Variants in ARHGAP42 observed in about 807,000 individuals in gnomAD.
ARHGAP42 encodes Rho GTPase activating protein 42, also known as rho GTPase-activating protein 42.
ARHGAP42 carries 63 observed loss-of-function variants against 125.0 expected under a neutral mutation model. The observed-to-expected ratio is 0.50, with a 90% CI of 0.41 to 0.62. The LOEUF is 0.62. ARHGAP42 is among the 20% of genes least tolerant of loss of function. ARHGAP42 has a pLI of 0.00. For synonymous variants in ARHGAP42, 339 were observed against 351.0 expected (o/e 0.97, Z 0.38); for missense variants, 766 against 1,024.2 (o/e 0.75, Z 3.44).
chr11:100,921,186 T>C (rs1436533780), intron 5 of ARHGAP42, among the ~76,000 whole-genome samples: 1 of 141,672 alleles, frequency 7.1e-6, no homozygotes, highest in Non-Finnish European at 1.5e-5. Context: ...CATTTACATT[T>C]ATATACCCCT....
chr11:100,795,808 T>C (rs1863696472), intron 3 of ARHGAP42, among the ~76,000 whole-genome samples: 1 of 152,174 alleles, frequency 6.6e-6, no homozygotes, highest in Admixed American at 6.5e-5. Context: ...GTAGTATATA[T>C]CCCACAGGAT....
In ARHGAP42 at chr11:100,779,499, T is replaced by C. The variant is rs1225061536; in HGVS notation, c.250+9061T>C. Among the ~76,000 whole-genome samples the C allele has an allele frequency of 5.4e-4, 60 of 110,410 alleles. 1 individual carries two copies. The highest frequency in any genetic ancestry group is 2.2e-3 in the East Asian group (8 of 3,672). The allele number at this position is 110,410 out of a possible 152,430, so 72.4% of individuals were successfully genotyped here. ...ATATATATATATACACACACACACA[T>C]ATATACACGTATATATATACGTATA... is the stretch of plus-strand genomic sequence containing the variant. On this transcript the variant is annotated intron_variant, in intron 2 of 23. Transcript: ENST00000298815.
At chr11:100,778,011 T>C (rs1863171542) in intron 2 of ARHGAP42, among the ~76,000 whole-genome samples, 1 of 152,022 alleles carries the variant, frequency 6.6e-6, no homozygotes, top group South Asian at 2.1e-4. Flanking sequence ...CCCAGTTCTA[T>C]AAAAAGTAAA....
At chr11:100,800,777 A>G (rs1306589709) in intron 3 of ARHGAP42, among the ~76,000 whole-genome samples, 1 of 152,202 alleles carries the variant, frequency 6.6e-6, no homozygotes, top group Non-Finnish European at 1.5e-5. Context: ...GTGCAATGTA[A>G]TGAAAAAAAC....
chr11:100,706,963 AT>A (rs1385043140), intron 1 of ARHGAP42, among the ~76,000 whole-genome samples: 1 of 152,176 alleles, frequency 6.6e-6, no homozygotes, highest in Non-Finnish European at 1.5e-5. Flanking sequence ...TTTCTACATA[AT>A]TGCCTGTTCT....
At chr11:100,850,881 T>C (rs1361824634) in intron 3 of ARHGAP42, among the ~76,000 whole-genome samples, 2 of 90,638 alleles carry the variant, frequency 2.2e-5, no homozygotes, top group African/African-American at 6.2e-5. Flanking sequence ...TTCTTTTTTT[T>C]TTTTTTTTTT....
At chr11:100,816,251 G>C (rs1327644144) in intron 3 of ARHGAP42, among the ~76,000 whole-genome samples, 1 of 152,010 alleles carries the variant, frequency 6.6e-6, no homozygotes, top group Non-Finnish European at 1.5e-5. Flanking sequence ...TGGCTGCACT[G>C]TTTTACAATC....
intron 5 of ARHGAP42, among the ~76,000 whole-genome samples, chr11:100,915,228 T>C (rs1295761799): frequency 6.6e-6 from 1 of 152,212 alleles, no homozygotes; most frequent in Admixed American, 6.5e-5. Context: ...TGTAATTTAA[T>C]ACTATGTTTA....
rs145812957 is a variant in ARHGAP42, at chr11:100,786,550, A to G, written c.251-8555A>G. ...TATATAAGCCTAGTATACATATATG[A>G]GTATATATACCTGAACTCTCAAACT... On this transcript the variant is annotated intron_variant, in intron 2 of 23. Coordinates refer to ENST00000298815, the MANE Select transcript of ARHGAP42 (RefSeq NM_152432.4). 3.9e-3 allele frequency among the ~76,000 whole-genome samples: 599 copies of G among 152,210 alleles called. 2 individuals carry two copies. Among genetic ancestry groups the G allele is most frequent in the Non-Finnish European group, 6.7e-3 (459 of 68,030 alleles).
chr11:100,948,432 A>G (rs887244053), intron 10 of ARHGAP42, 25 bp from the exon 11 acceptor site: 1 of 1,476,974 alleles, frequency 6.8e-7, no homozygotes, highest in Middle Eastern at 2.2e-4. Context: ...ATGTGTAAAT[A>G]TAGAAAATAT....
At chr11:100,708,624 T>G (rs1861514708) in intron 1 of ARHGAP42, among the ~76,000 whole-genome samples, 1 of 152,208 alleles carries the variant, frequency 6.6e-6, no homozygotes, top group Non-Finnish European at 1.5e-5. Flanking sequence ...ACATCACTAT[T>G]AAAAATATTC....
At chr11:100,948,948 A>G (rs1868099240) in intron 11 of ARHGAP42, among the ~76,000 whole-genome samples, 1 of 152,134 alleles carries the variant, frequency 6.6e-6, no homozygotes, top group African/African-American at 2.4e-5. Flanking sequence ...TTTAAAAAGT[A>G]TAACTTAATA....
chr11:100,703,680 C>T (rs959795132), intron 1 of ARHGAP42, among the ~76,000 whole-genome samples: 5 of 152,178 alleles, frequency 3.3e-5, no homozygotes, highest in Non-Finnish European at 7.3e-5. Flanking sequence ...CCATTTAGGG[C>T]TTAATGAACA....
intron 7 of ARHGAP42, 89 bp downstream of exon 7, chr11:100,933,349 A>G (rs970738596): frequency 2.1e-6 from 2 of 937,930 alleles, no homozygotes; most frequent in Non-Finnish European, 3.1e-6. Flanking sequence ...TCTAGCTGCT[A>G]GTGGAAAATA....
rs1858792790 is a variant in ARHGAP42 at position 100,990,097 on chromosome 11, C to A, written c.*1296C>A. The A allele has an allele frequency of 6.6e-6, 1 of 152,114 alleles. No individual in the cohort carries two copies. Among genetic ancestry groups the A allele is most frequent in the African/African-American group, 2.4e-5 (1 of 41,438 alleles). The allele number at this position is 152,114 out of a possible 1,614,324, so 9.4% of individuals were successfully genotyped here. A position where few individuals can be genotyped will look rare whatever the true frequency, so the allele number is the denominator to read the frequency against. On this transcript the variant is annotated 3_prime_UTR_variant, in exon 24 of 24. Coordinates refer to ENST00000298815, the MANE Select transcript of ARHGAP42 (RefSeq NM_152432.4). ...TCTGGTCATGCACGAACCATTAATT[C>A]TATATTTCTATTTCAATAATTCTAA...
intron 4 of ARHGAP42, among the ~76,000 whole-genome samples, 173 bp from the exon 5 acceptor site, chr11:100,913,279 A>G (rs1354241154): frequency 6.6e-6 from 1 of 152,128 alleles, no homozygotes; most frequent in East Asian, 1.9e-4. Context: ...TACATACTGA[A>G]ATGGCTTGTT....
intron 12 of ARHGAP42, among the ~76,000 whole-genome samples, chr11:100,956,834 A>T (rs573110583): frequency 6.6e-6 from 1 of 152,230 alleles, no homozygotes; most frequent in Admixed American, 6.5e-5. Context: ...TCATTGCTCT[A>T]TCCATGAATA....
chr11:100,725,934 CAA>C (rs57899188), intron 1 of ARHGAP42, among the ~76,000 whole-genome samples: 5 of 99,262 alleles, frequency 5.0e-5, no homozygotes, highest in Admixed American at 1.1e-4. Context: ...GACTCCGTCT[CAA>C]AAAAAAAAAA....
At chr11:100,779,482 A>G (rs1234239402) in intron 2 of ARHGAP42, among the ~76,000 whole-genome samples, 1 of 113,448 alleles carries the variant, frequency 8.8e-6, no homozygotes, top group East Asian at 2.6e-4. Context: ...ATATATATAT[A>G]TATACACACA....
Sources: gnomAD v4.1 joint callset for allele counts (sites outside exome capture counted in the v4.1 genomes callset) on GRCh38, gnomAD v4.1.1 for gene constraint, MANE v1.5 for transcripts, NCBI Gene and HGNC (gene_info 2026-07-23, HGNC 2026-07-21) for gene names.